ZFAND2B: variants seen among roughly 807,000 people sequenced by gnomAD.
The protein encoded by ZFAND2B is AN1-type zinc finger protein 2B.
ZFAND2B carries 27 observed loss-of-function variants against 38.2 expected under a neutral mutation model. The observed-to-expected ratio is 0.71, with a 90% CI of 0.52 to 0.97. ZFAND2B has a LOEUF of 0.97. Ranked by LOEUF, ZFAND2B falls within the 50% of genes least tolerant of loss-of-function variation. ZFAND2B has a pLI of 0.00. For missense variants in ZFAND2B, 303 were observed against 331.5 expected (o/e 0.91, Z 0.67); for synonymous variants, 111 against 119.4 (o/e 0.93, Z 0.46).
In ZFAND2B at chr2:219,208,998, A is replaced by G. The variant is rs1266456341; in HGVS notation, c.678A>G (p.Leu226=). ...CCAGTTGTCAGGAGGAAGAAGACCT[A>G]GCTTTAGCACAAGCACTGTCAGCCA... ...QVPSCQEEED[L]ALAQALSASE... Residue 226 remains leucine, a synonymous_variant, in exon 8 of 9, where the codon CTA becomes CTG. Transcript: ENST00000289528. 2.5e-6 allele frequency: 4 copies of G among 1,614,070 alleles called. No homozygotes were observed. The African/African-American group carries it at 5.3e-5, about 22-fold the overall frequency.
rs1950490012 is a variant in ZFAND2B, at chr2:219,206,848, A to C, written c.-140A>C. On this transcript the variant is annotated 5_prime_UTR_variant, in exon 1 of 9. Transcript: ENST00000289528. The stretch of plus-strand genomic sequence containing the variant: ...GGCCGGCTGGCGCGGGGGCTCCGGT[A>C]ACCCGGGCTGGGCGGGGGAGAGGAA... The C allele has an allele frequency of 4.5e-6, 4 of 885,496 alleles. No homozygotes were observed. Among genetic ancestry groups the C allele is most frequent in the Non-Finnish European group, 4.8e-6 (3 of 630,362 alleles). 54.9% of individuals were successfully genotyped at this position (885,496 alleles called of 1,614,324 possible). A position where few individuals can be genotyped will look rare whatever the true frequency, so the allele number is the denominator to read the frequency against.
chr2:219,208,918 T>C, intron 7 of ZFAND2B, 59 bp from the exon 8 acceptor site: 1 of 1,558,598 alleles, frequency 6.4e-7, no homozygotes, highest in Non-Finnish European at 8.9e-7. Context: ...CACACACAGA[T>C]CAGATGTTCA....
Position 219,207,881 on chromosome 2 carries a change from C to T in ZFAND2B, c.283-6C>T, listed in dbSNP as rs990807269. The T allele has an allele frequency of 4.3e-6, 7 of 1,614,134 alleles. No individual in the cohort carries two copies. Among genetic ancestry groups the T allele is most frequent in the Non-Finnish European group, 5.9e-6 (7 of 1,180,026 alleles). On this transcript the variant is annotated splice_region_variant and splice_polypyrimidine_tract_variant and intron_variant, in intron 3 of 8. Coordinates refer to ENST00000289528, the MANE Select transcript of ZFAND2B (RefSeq NM_138802.3). Reference sequence around the variant, plus strand: ...CAGCAGAGACAACCTTCTCACTTCACCTCAGATCTTCACCAATAAGTGTGA... The same window carrying T: ...CAGCAGAGACAACCTTCTCACTTCATCTCAGATCTTCACCAATAAGTGTGA...
At chr2:219,207,181 G>T in intron 1 of ZFAND2B, 139 bp downstream of exon 1, 1 of 1,357,656 alleles carries the variant, frequency 7.4e-7, no homozygotes, top group Non-Finnish European at 1.0e-6. Context: ...CAGCGGCAGA[G>T]GGGGCGTGGC....
chr2:219,207,541 C>G, intron 2 of ZFAND2B, 107 bp from the exon 3 acceptor site: 1 of 1,590,376 alleles, frequency 6.3e-7, no homozygotes, highest in Non-Finnish European at 8.6e-7. Context: ...TGCTGGGAAA[C>G]ACTGTTTTTT....
chr2:219,208,287 G>C lies in ZFAND2B; in HGVS notation c.466G>C (p.Ala156Pro). The C allele has an allele frequency of 1.2e-6, 2 of 1,614,138 alleles. No individual in the cohort carries two copies. The highest frequency in any genetic ancestry group is 1.7e-6 in the Non-Finnish European group (2 of 1,180,024). ...LAAISRAQAV[A>P]STSTVPSPSQ... Reference sequence around the variant, plus strand: ...TGCCATCTCCAGAGCACAAGCTGTGGCTTCTACAAGCACTGTCCCCAGCCC... The same window carrying C: ...TGCCATCTCCAGAGCACAAGCTGTGCCTTCTACAAGCACTGTCCCCAGCCC... Residue 156 changes from alanine (A) to proline (P), a missense_variant, in exon 5 of 9, where the codon GCT (alanine) becomes CCT (proline). Transcript: ENST00000289528.
At position 219,209,260 on chromosome 2, in the gene ZFAND2B, A is replaced by G. The variant is rs1277460045; in HGVS notation, c.730-2A>G. ...CCCCTCCTTCCCCTCTCTTTGCTCT[A>G]GGCCCAGAGCCGCAGCTCGAAGCCG... On this transcript the variant is annotated splice_acceptor_variant, in intron 8 of 8. Coordinates refer to ENST00000289528, the MANE Select transcript of ZFAND2B (RefSeq NM_138802.3). LOFTEE classifies it high-confidence loss of function. 6.2e-7 allele frequency: 1 copy of G among 1,607,934 alleles called. No individual in the cohort carries two copies. Among genetic ancestry groups the G allele is most frequent in the East Asian group, 2.2e-5 (1 of 44,826 alleles).
Position 219,208,484 on chromosome 2 carries a change from CTGG to C in ZFAND2B, c.588+1_588+3del. On this transcript the variant is annotated splice_donor_variant and coding_sequence_variant, in exon 6 of 9. Transcript: ENST00000289528. LOFTEE classifies it high-confidence loss of function. ...TCCAGTGATTGCTTTGCAGAATGGCCTGGTGAGTTGGGCAGAGGTTGGATGGAC... is the reference window on the plus strand; with the variant it reads ...TCCAGTGATTGCTTTGCAGAATGGCCTGAGTTGGGCAGAGGTTGGATGGAC... The C allele has an allele frequency of 3.7e-6, 6 of 1,614,260 alleles. No homozygotes were observed. The highest frequency in any genetic ancestry group is 4.2e-6 in the Non-Finnish European group (5 of 1,180,048).
chr2:219,207,242 GT>G, intron 1 of ZFAND2B, 84 bp from the exon 2 acceptor site: 1 of 1,501,390 alleles, frequency 6.7e-7, no homozygotes, highest in African/African-American at 1.4e-5. Flanking sequence ...ATAGGGTGGC[GT>G]TTTCCTTCCC....
At position 219,208,029 on chromosome 2, in the gene ZFAND2B, G is replaced by A; in HGVS notation, c.425G>A (p.Ser142Asn). The change falls in exon 4 of 9, where the codon AGC (serine) becomes AAC (asparagine). Residue 142 changes from serine (S) to asparagine (N), a missense_variant. By Grantham distance (46) the Ser-to-Asn change is conservative. Coordinates refer to ENST00000289528, the MANE Select transcript of ZFAND2B (RefSeq NM_138802.3). ...HDCSGEGHPT[S>N]RAGLAAISRA... ...TGCTCTGGGGAGGGGCACCCAACCAGCCGGGCAGGGTAATGGCAGCCAAGT... is the reference window on the plus strand; with the variant it reads ...TGCTCTGGGGAGGGGCACCCAACCAACCGGGCAGGGTAATGGCAGCCAAGT... 6.2e-7 allele frequency: 1 copy of A among 1,614,042 alleles called. No individual in the cohort carries two copies. Among genetic ancestry groups the A allele is most frequent in the Non-Finnish European group, 8.5e-7 (1 of 1,180,046 alleles).
chr2:219,209,326 G>T lies in ZFAND2B; in HGVS notation c.*20G>T, dbSNP rs766100344. 9 of 1,608,542 alleles carry T rather than the reference G, an allele frequency of 5.6e-6. No individual in the cohort carries two copies. Among genetic ancestry groups the T allele is most frequent in the Non-Finnish European group, 6.8e-6 (8 of 1,178,118 alleles). On this transcript the variant is annotated 3_prime_UTR_variant, in exon 9 of 9. Coordinates refer to ENST00000289528, the MANE Select transcript of ZFAND2B (RefSeq NM_138802.3). Reference sequence around the variant, plus strand: ...TGCTAGGGCCCTGGGCTTGGGGAGGGAGGTTCACCTGAGGAGGACTGTGGC... The same window carrying T: ...TGCTAGGGCCCTGGGCTTGGGGAGGTAGGTTCACCTGAGGAGGACTGTGGC...
At chr2:219,208,171 G>A (rs1300958973) in intron 4 of ZFAND2B, 85 bp from the exon 5 acceptor site, 1 of 1,597,770 alleles carries the variant, frequency 6.3e-7, no homozygotes, top group African/African-American at 1.3e-5. Context: ...TCCTTTTCAA[G>A]TGCATGTTTT....
At chr2:219,208,913 A>G (rs1405169438) in intron 7 of ZFAND2B, 64 bp from the exon 8 acceptor site, 1 of 1,543,386 alleles carries the variant, frequency 6.5e-7, no homozygotes, top group Middle Eastern at 1.7e-4. Flanking sequence ...CCCAACACAC[A>G]CAGATCAGAT....
intron 1 of ZFAND2B, 114 bp downstream of exon 1, chr2:219,207,156 C>T: frequency 1.7e-6 from 1 of 598,476 alleles, no homozygotes; most frequent in Non-Finnish European, 2.7e-6. Context: ...GGGCTTGAAG[C>T]TGGGGGGGGG....
intron 8 of ZFAND2B, 26 bp downstream of exon 8, chr2:219,209,075 G>A: frequency 6.2e-7 from 1 of 1,613,634 alleles, no homozygotes; most frequent in East Asian, 2.2e-5. Context: ...GAAGATATAT[G>A]CTGCAGTGGA....
At position 219,207,684 on chromosome 2, in the gene ZFAND2B, C is replaced by T. The variant is rs371510765; in HGVS notation, c.187C>T (p.Pro63Ser). Residue 63 changes from proline to serine, a missense_variant, in exon 3 of 9, where the codon CCT becomes TCT. Transcript: ENST00000289528. ...QVPVCPLCNV[P>S]VPVARGEPPD... ...ACCTGTGTGCCCTCTCTGTAATGTG[C>T]CTGTGCCTGTGGCCAGAGGGGAGCC... 6.2e-7 allele frequency: 1 copy of T among 1,614,078 alleles called. No homozygotes were observed. The highest frequency in any genetic ancestry group is 8.5e-7 in the Non-Finnish European group (1 of 1,179,980).
chr2:219,207,127 C>A, intron 1 of ZFAND2B, 85 bp downstream of exon 1: 2 of 900,474 alleles, frequency 2.2e-6, no homozygotes, highest in Non-Finnish European at 3.2e-6. Flanking sequence ...GGCTCCCAGG[C>A]TGGCAATGCC....
Position 219,208,984 on chromosome 2 carries a change from G to A in ZFAND2B, c.664G>A (p.Glu222Lys), listed in dbSNP as rs1243436244. The change falls in exon 8 of 9, where the codon GAG becomes AAG. Residue 222 changes from glutamate to lysine, a missense_variant. By Grantham distance (56) the Glu-to-Lys change is moderately conservative. Transcript: ENST00000289528. ...ACTGTTTCTCCCTCCCAGTTGTCAG[G>A]AGGAAGAAGACCTAGCTTTAGCACA... ...ETKPQVPSCQ[E>K]EEDLALAQAL... 4 of 1,614,174 alleles carry A rather than the reference G, an allele frequency of 2.5e-6. No individual in the cohort carries two copies. The highest frequency in any genetic ancestry group is 3.4e-6 in the Non-Finnish European group (4 of 1,180,020).
In ZFAND2B at chr2:219,207,003, C is replaced by G. The variant is rs761536751; in HGVS notation, c.16C>G (p.Leu6Val). 1.2e-6 allele frequency: 2 copies of G among 1,611,998 alleles called. No homozygotes were observed. Among genetic ancestry groups the G allele is most frequent in the Admixed American group, 1.7e-5 (1 of 59,908 alleles). MEFPD[L>V]GAHCSEPSCQ... The stretch of plus-strand genomic sequence containing the variant: ...CGGCTTGGCGATGGAGTTTCCGGAC[C>G]TCGGCGCTCACTGTTCGGAGCCGAG... The change falls in exon 1 of 9, where the codon CTC (leucine) becomes GTC (valine). Residue 6 changes from leucine (L) to valine (V), a missense_variant. By Grantham distance (32) the Leu-to-Val change is conservative. Coordinates refer to ENST00000289528, the MANE Select transcript of ZFAND2B (RefSeq NM_138802.3).
Sources: allele counts gnomAD v4.1 joint callset, GRCh38; gene constraint gnomAD v4.1.1; transcripts MANE v1.5; gene names NCBI Gene and HGNC (gene_info 2026-07-23, HGNC 2026-07-21).